The following SPAG16 variants were observed in gnomAD, a reference collection of about 807,000 sequenced individuals.
SPAG16 encodes sperm-associated antigen 16 protein.
A neutral mutation model predicts 80.4 loss-of-function variants in SPAG16; 86 were observed. The observed-to-expected ratio is 1.07, with a 90% CI of 0.90 to 1.28. SPAG16 has a LOEUF of 1.28. Among genes scored for constraint, SPAG16 ranks in the 50% most tolerant of loss-of-function variants. SPAG16 has a pLI of 0.00. For synonymous variants in SPAG16, 294 were observed against 265.9 expected, an observed-to-expected ratio of 1.11 and a Z score of -1.03; for missense variants, 870 against 765.3, an observed-to-expected ratio of 1.14 and a Z score of -1.61.
intron 15 of SPAG16, among the ~76,000 whole-genome samples, chr2:214,245,790 C>T (rs1158407766): frequency 3.9e-5 from 6 of 152,146 alleles, no homozygotes. Flanking sequence ...TTACATTTGA[C>T]ATTTGCACTG....
intron 10 of SPAG16, among the ~76,000 whole-genome samples, chr2:213,839,363 C>T (rs999206009): frequency 5.9e-5 from 9 of 152,100 alleles, no homozygotes; most frequent in African/African-American, 2.2e-4. Flanking sequence ...ATTTTTTCCT[C>T]TCTACATATA....
chr2:213,442,008 C>T (rs566516950), intron 9 of SPAG16, among the ~76,000 whole-genome samples: 8 of 152,206 alleles, frequency 5.3e-5, no homozygotes, highest in Admixed American at 2.6e-4. Context: ...AAAAGTTAGC[C>T]GTAGTGGCAC....
At chr2:213,486,789 T>C (rs898353323) in intron 9 of SPAG16, among the ~76,000 whole-genome samples, 1 of 152,062 alleles carries the variant, frequency 6.6e-6, no homozygotes, top group Non-Finnish European at 1.5e-5. Flanking sequence ...TAATATAGAA[T>C]TATTTCATAA....
At chr2:213,883,962 C>A (rs2076453899) in intron 11 of SPAG16, among the ~76,000 whole-genome samples, 1 of 152,132 alleles carries the variant, frequency 6.6e-6, no homozygotes, top group African/African-American at 2.4e-5. Context: ...TTTATCCAGC[C>A]CACCACTCTC....
chr2:213,390,784 TA>T (rs1344282682), intron 9 of SPAG16, among the ~76,000 whole-genome samples: 3 of 152,222 alleles, frequency 2.0e-5, no homozygotes, highest in Non-Finnish European at 4.4e-5. Context: ...TATGATGCAT[TA>T]TTTTTTAATC....
chr2:214,167,744 T>G (rs572824748), intron 15 of SPAG16, among the ~76,000 whole-genome samples: 2 of 151,764 alleles, frequency 1.3e-5, no homozygotes, highest in African/African-American at 4.8e-5. Context: ...ATACTTTTTA[T>G]GAAACTATAA....
intron 12 of SPAG16, among the ~76,000 whole-genome samples, chr2:213,981,171 C>T (rs966244469): frequency 3.3e-5 from 5 of 152,068 alleles, no homozygotes; most frequent in East Asian, 3.9e-4. Context: ...AGAGAGCCTT[C>T]GGGTTTGAAT....
chr2:213,994,249 C>T (rs2046411208), intron 12 of SPAG16, among the ~76,000 whole-genome samples: 1 of 151,800 alleles, frequency 6.6e-6, no homozygotes, highest in Non-Finnish European at 1.5e-5. Flanking sequence ...TAAAAGGTAA[C>T]GTGCCCTAAT....
chr2:213,847,789 C>T (rs1338655510), intron 10 of SPAG16, among the ~76,000 whole-genome samples: 4 of 152,076 alleles, frequency 2.6e-5, no homozygotes, highest in African/African-American at 9.7e-5. Context: ...AAACACGGAC[C>T]TCTCCTTGTT....
chr2:214,276,176 G>T lies in SPAG16; in HGVS notation c.1720+126910G>T, dbSNP rs538810652. ...ATCTTCCTCCATCCATTTATTTTGA[G>T]CCAATGTGTGTCTCTGCCCGTGAGA... On this transcript the variant is annotated intron_variant, in intron 15 of 15. Coordinates refer to ENST00000331683, the MANE Select transcript of SPAG16 (RefSeq NM_024532.5). 1.6e-4 allele frequency among the ~76,000 whole-genome samples: 24 copies of T among 152,198 alleles called. No individual in the cohort carries two copies. In the South Asian group the frequency reaches 5.0e-3, roughly 32 times the overall value.
At chr2:213,904,055 G>A (rs2077332024) in intron 11 of SPAG16, among the ~76,000 whole-genome samples, 1 of 152,044 alleles carries the variant, frequency 6.6e-6, no homozygotes, top group African/African-American at 2.4e-5. Flanking sequence ...CAGGCTTTTG[G>A]TCAAAGCCAT....
chr2:214,291,541 G>A (rs937738888), intron 15 of SPAG16, among the ~76,000 whole-genome samples: 4 of 151,528 alleles, frequency 2.6e-5, no homozygotes, highest in Non-Finnish European at 4.4e-5. Context: ...TCCTGACCTC[G>A]TGATCCGCCC....
intron 10 of SPAG16, among the ~76,000 whole-genome samples, chr2:213,751,755 TA>T (rs1331380018): frequency 6.6e-6 from 1 of 152,208 alleles, no homozygotes; most frequent in Non-Finnish European, 1.5e-5. Context: ...GTATCTGCTG[TA>T]TAAACAAGTT....
At chr2:213,432,094 A>T (rs1379122204) in intron 9 of SPAG16, among the ~76,000 whole-genome samples, 1 of 152,272 alleles carries the variant, frequency 6.6e-6, no homozygotes, top group South Asian at 2.1e-4. Context: ...CAGCAAAAGC[A>T]GTGCTCAGAG....
intron 8 of SPAG16, 70 bp downstream of exon 8, chr2:213,364,215 A>G (rs1037408816): frequency 1.0e-4 from 94 of 896,930 alleles, no homozygotes; most frequent in Non-Finnish European, 8.6e-5. Context: ...TCAGTGATTA[A>G]TATTCTAGAG....
intron 15 of SPAG16, among the ~76,000 whole-genome samples, chr2:214,179,709 T>G (rs932453893): frequency 5.1e-4 from 78 of 151,562 alleles, no homozygotes; most frequent in Middle Eastern, 3.4e-3. Flanking sequence ...ACAGGAGGCT[T>G]TCTTGTGGAC....
At chr2:213,746,091 G>C (rs1319915612) in intron 10 of SPAG16, among the ~76,000 whole-genome samples, 1 of 152,100 alleles carries the variant, frequency 6.6e-6, no homozygotes, top group African/African-American at 2.4e-5. Flanking sequence ...TCAGATGCAG[G>C]GAAACAGATT....
chr2:214,362,560 C>A (rs902322688), intron 15 of SPAG16, among the ~76,000 whole-genome samples: 1 of 151,858 alleles, frequency 6.6e-6, no homozygotes, highest in East Asian at 1.9e-4. Flanking sequence ...CGCATCCTCT[C>A]CAGCCTCATA....
rs560791280 is a variant in SPAG16 at position 213,800,387 on chromosome 2, T to G, written c.1071-62098T>G. On this transcript the variant is annotated intron_variant, in intron 10 of 15. Coordinates refer to ENST00000331683, the MANE Select transcript of SPAG16 (RefSeq NM_024532.5). ...CCCTCTCTCCCTTTCTTCTTTTCTT[T>G]CTTTTGTCTCACTCTTTTGTCCAGG... 1.7e-4 allele frequency among the ~76,000 whole-genome samples: 25 copies of G among 146,680 alleles called. 2 individuals carry two copies. The highest frequency in any genetic ancestry group is 6.6e-4 in the African/African-American group (25 of 38,050).
Sources: allele counts gnomAD v4.1 joint callset (sites outside exome capture counted in the v4.1 genomes callset), GRCh38; gene constraint gnomAD v4.1.1; transcripts MANE v1.5; gene names NCBI Gene and HGNC (gene_info 2026-07-23, HGNC 2026-07-21).